Variants in ADGRB3 observed in about 807,000 individuals in gnomAD.
ADGRB3 encodes the protein adhesion G protein-coupled receptor B3.
Under a neutral mutation model 193.4 loss-of-function variants are expected in ADGRB3, and 37 were observed. The observed-to-expected ratio is 0.19, with a 90% CI of 0.15 to 0.25. The LOEUF (loss-of-function observed/expected upper bound fraction) is 0.25, where lower values mean the gene tolerates loss of function less well. ADGRB3 is among the 10% of genes least tolerant of loss of function. The pLI is 1.00. For missense variants in ADGRB3, 1,637 were observed against 1,852.9 expected, an observed-to-expected ratio of 0.88 and a Z score of 2.14; for synonymous variants, 690 against 644.2, an observed-to-expected ratio of 1.07 and a Z score of -1.08.
chr6:68,691,598 A>C (rs950098992), intron 3 of ADGRB3, among the ~76,000 whole-genome samples: 3 of 152,040 alleles, frequency 2.0e-5, no homozygotes, highest in African/African-American at 7.2e-5. Flanking sequence ...TTTTGTTGTC[A>C]CTATCTTAAC....
Position 68,936,624 on chromosome 6 carries a change from A to C in ADGRB3, c.974A>C (p.His325Pro), listed in dbSNP as rs1286692665. Residue 325 changes from histidine to proline, a missense_variant, in exon 5 of 32, where the codon CAC becomes CCC. Physicochemically the swap from His to Pro is moderately conservative, Grantham distance 77. Transcript: ENST00000370598. ...ACTTGTGTATCACCTTACGGGACAC[A>C]CTGCAGCGGCCCATTAAGAGAATCA... is the stretch of plus-strand genomic sequence containing the variant. ...TRTCVSPYGT[H>P]CSGPLRESRV... 4 of 1,613,810 alleles carry C rather than the reference A, an allele frequency of 2.5e-6. No homozygotes were observed. The highest frequency in any genetic ancestry group is 1.3e-5 in the African/African-American group (1 of 74,930).
At position 69,133,648 on chromosome 6, in the gene ADGRB3, C is replaced by T. The variant is rs182654560; in HGVS notation, c.2480+57610C>T. On this transcript the variant is annotated intron_variant, in intron 17 of 31. Transcript: ENST00000370598. ...CCAGCATCATCCTGATAACGAAACC[C>T]GGCAGAGACACAACAAAAAAAGAAA... is the stretch of plus-strand genomic sequence containing the variant. Among the ~76,000 whole-genome samples the T allele has an allele frequency of 5.4e-3, 819 of 150,894 alleles. 7 individuals carry two copies. Among genetic ancestry groups the T allele is most frequent in the African/African-American group, 0.018 (754 of 41,166 alleles).
chr6:69,217,111 G>A (rs1289787846), intron 17 of ADGRB3, among the ~76,000 whole-genome samples: 1 of 152,196 alleles, frequency 6.6e-6, no homozygotes, highest in Non-Finnish European at 1.5e-5. Flanking sequence ...GAATGAATGT[G>A]AGAAAAGGGA....
chr6:69,026,857 C>T (rs960811945), intron 13 of ADGRB3, among the ~76,000 whole-genome samples: 6 of 152,116 alleles, frequency 3.9e-5, no homozygotes, highest in Non-Finnish European at 4.4e-5. Flanking sequence ...ATGGTACACC[C>T]GCATAGAGCA....
chr6:68,916,945 C>T (rs1039486976), intron 3 of ADGRB3, among the ~76,000 whole-genome samples: 1 of 152,102 alleles, frequency 6.6e-6, no homozygotes, highest in African/African-American at 2.4e-5. Flanking sequence ...ATATGTTTTA[C>T]CTTGTAAAGG....
chr6:69,218,033 T>A (rs1765805362), intron 17 of ADGRB3, among the ~76,000 whole-genome samples: 1 of 147,352 alleles, frequency 6.8e-6, no homozygotes, highest in Non-Finnish European at 1.5e-5. Context: ...ATTAACATAT[T>A]CTGGTGAACA....
intron 3 of ADGRB3, among the ~76,000 whole-genome samples, chr6:68,874,354 T>C (rs947923101): frequency 3.3e-5 from 5 of 152,136 alleles, no homozygotes; most frequent in Admixed American, 3.3e-4. Flanking sequence ...TTGACTGTTA[T>C]AATTATACAT....
rs1932618 is a variant in ADGRB3, at chr6:68,956,792, A to G, written c.1508A>G (p.Asn503Ser). Residue 503 changes from asparagine (N) to serine (S), a missense_variant, in exon 8 of 32, where the codon AAT becomes AGT. Coordinates refer to ENST00000370598, the MANE Select transcript of ADGRB3 (RefSeq NM_001704.3). ...ACGGGCGAAGAAGTGAGAAGATGCA[A>G]TGAGCAGCGATGCCCTGGTGAGAAT... ...EGTGEEVRRC[N>S]EQRCPAPYEI... is the part of the protein sequence containing the mutation. 0.88 allele frequency: 1,420,423 copies of G among 1,613,624 alleles called. 625,850 individuals are homozygous for G. Among genetic ancestry groups the G allele is most frequent in the South Asian group, 0.94 (85,718 of 91,072 alleles).
chr6:68,941,784 A>C (rs1767648420), intron 5 of ADGRB3, among the ~76,000 whole-genome samples: 1 of 151,806 alleles, frequency 6.6e-6, no homozygotes, highest in Admixed American at 6.6e-5. Context: ...TAATATGCCA[A>C]AATATATTAA....
intron 3 of ADGRB3, among the ~76,000 whole-genome samples, chr6:68,678,120 T>C (rs1230386070): frequency 1.3e-5 from 2 of 152,154 alleles, no homozygotes; most frequent in Non-Finnish European, 2.9e-5. Flanking sequence ...TCTTCACCAA[T>C]TTAAAATACA....
chr6:68,668,758 A>T (rs577420264), intron 3 of ADGRB3, among the ~76,000 whole-genome samples: 1 of 151,814 alleles, frequency 6.6e-6, no homozygotes, highest in Non-Finnish European at 1.5e-5. Flanking sequence ...TATATAAGCT[A>T]TTACCTTTAC....
At chr6:69,247,340 A>G (rs1766520304) in intron 20 of ADGRB3, among the ~76,000 whole-genome samples, 1 of 152,128 alleles carries the variant, frequency 6.6e-6, no homozygotes, top group South Asian at 2.1e-4. Context: ...GAGTTATAAA[A>G]TCATCCTCTC....
intron 3 of ADGRB3, among the ~76,000 whole-genome samples, chr6:68,787,401 A>G (rs1766998612): frequency 6.6e-6 from 1 of 152,060 alleles, no homozygotes; most frequent in Non-Finnish European, 1.5e-5. Context: ...TTCTGCATCT[A>G]TTGAGATAAT....
intron 20 of ADGRB3, among the ~76,000 whole-genome samples, chr6:69,240,293 A>G (rs1766357239): frequency 6.6e-6 from 1 of 151,976 alleles, no homozygotes; most frequent in South Asian, 2.1e-4. Flanking sequence ...AGGCCAGGGG[A>G]AGGGCCCAAG....
chr6:68,786,181 G>A (rs1165625012), intron 3 of ADGRB3, among the ~76,000 whole-genome samples: 2 of 151,994 alleles, frequency 1.3e-5, no homozygotes, highest in South Asian at 2.1e-4. Context: ...GTCAATTTTC[G>A]CTTTTGTTGC....
At chr6:69,373,746 G>A (rs976672444) in intron 30 of ADGRB3, among the ~76,000 whole-genome samples, 1 of 151,952 alleles carries the variant, frequency 6.6e-6, no homozygotes, top group Admixed American at 6.6e-5. Context: ...ATATATTCAT[G>A]TCTAAAAGCA....
At chr6:68,689,441 A>C (rs1765035342) in intron 3 of ADGRB3, among the ~76,000 whole-genome samples, 1 of 152,160 alleles carries the variant, frequency 6.6e-6, no homozygotes, top group African/African-American at 2.4e-5. Context: ...CCGCAAATCT[A>C]ATGAGGGGAA....
intron 10 of ADGRB3, among the ~76,000 whole-genome samples, chr6:68,978,348 G>A (rs66743885): frequency 4.7e-5 from 7 of 150,216 alleles, no homozygotes; most frequent in Non-Finnish European, 7.4e-5. Flanking sequence ...AGATAGGTAG[G>A]TAGATACACA....
At chr6:69,328,372 T>G (rs1471460037) in intron 22 of ADGRB3, among the ~76,000 whole-genome samples, 1 of 152,182 alleles carries the variant, frequency 6.6e-6, no homozygotes, top group African/African-American at 2.4e-5. Context: ...TAGAAAATAC[T>G]TGGACCGTGG....
Sources: gnomAD v4.1 joint callset for allele counts (sites outside exome capture counted in the v4.1 genomes callset) on GRCh38, gnomAD v4.1.1 for gene constraint, MANE v1.5 for transcripts, NCBI Gene and HGNC (gene_info 2026-07-23, HGNC 2026-07-21) for gene names.